PLA2R1: variants seen among roughly 807,000 people sequenced by gnomAD.
PLA2R1 encodes the protein secretory phospholipase A2 receptor.
PLA2R1 carries 158 observed loss-of-function variants against 195.9 expected under a neutral mutation model. The observed-to-expected ratio is 0.81, with a 90% CI of 0.71 to 0.92. The LOEUF (loss-of-function observed/expected upper bound fraction) is 0.92. Among genes scored for constraint, PLA2R1 ranks in the 40% least tolerant of loss-of-function variants. PLA2R1 has a pLI of 0.00. For synonymous variants in PLA2R1, 586 were observed against 598.2 expected, an observed-to-expected ratio of 0.98 and a Z score of 0.30; for missense variants, 1,626 against 1,764.6, an observed-to-expected ratio of 0.92 and a Z score of 1.41.
rs1489949863 is a variant in PLA2R1 at position 160,016,701 on chromosome 2, C to T, written c.1464G>A (p.Trp488Ter). 2.5e-6 allele frequency: 4 copies of T among 1,571,138 alleles called. No individual in the cohort carries two copies. Among genetic ancestry groups the T allele is most frequent in the Admixed American group, 1.7e-5 (1 of 59,938 alleles). The part of the protein sequence containing the change: ...CVSAEQSEGH[W>*]KVKNCEERLF... ...GTCTTTCTTCACAATTTTTGACTTT[C>T]CAGTGTCCCTCCTACGGAGAAAAAT... The change falls in exon 9 of 30, where the codon TGG becomes TGA. Residue 488 changes from tryptophan (W) to a stop codon, truncating the protein, a stop_gained. Transcript: ENST00000283243. LOFTEE classifies it high-confidence loss of function.
intron 26 of PLA2R1, 150 bp downstream of exon 26, chr2:159,947,269 C>A: frequency 1.5e-6 from 1 of 666,126 alleles, no homozygotes; most frequent in Non-Finnish European, 2.4e-6. Context: ...TCCAAACAAG[C>A]AATTTCAATA....
rs544655623 is a variant in PLA2R1, at chr2:159,966,885, C to T, written c.2904+654G>A. 9.2e-5 allele frequency among the ~76,000 whole-genome samples: 14 copies of T among 152,138 alleles called. No individual in the cohort carries two copies. In the South Asian group the frequency reaches 2.9e-3, roughly 32 times the overall value. ...ATATGAAGAGTGGAGGGAGACTAGG[C>T]CTTAATTGAAGGCAGCATCAGAAAT... On this transcript the variant is annotated intron_variant, in intron 20 of 29. Transcript: ENST00000283243.
chr2:159,943,592 GT>G (rs1276571983), intron 28 of PLA2R1, among the ~76,000 whole-genome samples: 2 of 152,118 alleles, frequency 1.3e-5, no homozygotes, highest in Non-Finnish European at 2.9e-5. Flanking sequence ...TGTAGCCTCA[GT>G]TTGCACAGGC....
Position 159,941,924 on chromosome 2 carries a change from G to C in PLA2R1, c.4246C>G (p.Leu1416Val), listed in dbSNP as rs780282214. The C allele has an allele frequency of 6.2e-7, 1 of 1,613,916 alleles. No individual in the cohort carries two copies. The change falls in exon 30 of 30, where the codon CTT (leucine) becomes GTT (valine). Residue 1416 changes from leucine to valine, a missense_variant. Transcript: ENST00000283243. ...TTATGCTTGTATATGCAGAAGGAAAGTGTGCAAATGGCCACAATGACTATC... is the reference window on the plus strand; with the variant it reads ...TTATGCTTGTATATGCAGAAGGAAACTGTGCAAATGGCCACAATGACTATC... ...TLIVIVAICTLSFCIYKHNGG... is the reference protein window; with the variant it reads ...TLIVIVAICTVSFCIYKHNGG...
chr2:159,972,106 T>A (rs533473317), intron 17 of PLA2R1, among the ~76,000 whole-genome samples: 1 of 152,216 alleles, frequency 6.6e-6, no homozygotes, highest in East Asian at 1.9e-4. Flanking sequence ...ACTGCCCCAA[T>A]TAAGGACCTC....
At position 159,983,529 on chromosome 2, in the gene PLA2R1, A is replaced by G. The variant is rs112656423; in HGVS notation, c.2183+399T>C. On this transcript the variant is annotated intron_variant, in intron 13 of 29. Transcript: ENST00000283243. ...AAAATAATTAGCGGTGGAGCTGGTC[A>G]GAGCCGCTCTGGTGAGGCGTGGAAG... Among the ~76,000 whole-genome samples the G allele has an allele frequency of 3.8e-3, 569 of 151,536 alleles. 1 individual carries two copies. The highest frequency in any genetic ancestry group is 0.013 in the African/African-American group (537 of 41,326).
chr2:159,925,399 TG>T, the PLA2R1 span, among the ~76,000 whole-genome samples: 1 of 152,180 alleles, frequency 6.6e-6, no homozygotes, highest in African/African-American at 2.4e-5. Flanking sequence ...AAATACATTT[TG>T]GGCTCTTATG....
intron 19 of PLA2R1, among the ~76,000 whole-genome samples, chr2:159,968,079 A>G (rs1688903127): frequency 6.6e-6 from 1 of 152,160 alleles, no homozygotes. Context: ...CTACTTTATA[A>G]TTCTTTAGAA....
intron 8 of PLA2R1, among the ~76,000 whole-genome samples, chr2:160,019,237 C>G (rs932092329): frequency 1.3e-5 from 2 of 152,204 alleles, no homozygotes; most frequent in African/African-American, 4.8e-5. Flanking sequence ...GTTACACATA[C>G]TGTTTAAATC....
intron 4 of PLA2R1, among the ~76,000 whole-genome samples, chr2:160,031,332 A>G (rs1471414016): frequency 1.3e-5 from 2 of 152,230 alleles, no homozygotes; most frequent in African/African-American, 4.8e-5. Context: ...ATATATTACC[A>G]CTAACTTATA....
intron 20 of PLA2R1, among the ~76,000 whole-genome samples, chr2:159,966,572 T>G (rs879541020): frequency 2.0e-5 from 3 of 152,136 alleles, no homozygotes; most frequent in Non-Finnish European, 4.4e-5. Context: ...AATTTAAAAG[T>G]CAGTGCCAAA....
intron 1 of PLA2R1, among the ~76,000 whole-genome samples, chr2:160,061,410 G>A (rs1302538583): frequency 1.3e-5 from 2 of 152,182 alleles, no homozygotes; most frequent in Non-Finnish European, 2.9e-5. Flanking sequence ...TCCACTGAGA[G>A]AGACTAAGGC....
chr2:159,963,298 C>T (rs141740803), intron 20 of PLA2R1, among the ~76,000 whole-genome samples: 1 of 152,248 alleles, frequency 6.6e-6, no homozygotes, highest in East Asian at 1.9e-4. Context: ...TAGACAAACA[C>T]ACAGGGGCAA....
At chr2:160,016,308 G>A (rs1382564023) in intron 9 of PLA2R1, among the ~76,000 whole-genome samples, 8 of 151,250 alleles carry the variant, frequency 5.3e-5, no homozygotes, top group African/African-American at 1.9e-4. Flanking sequence ...GAAAGACTAG[G>A]AAAACCAAGT....
chr2:160,055,362 T>C (rs556182802), intron 1 of PLA2R1, among the ~76,000 whole-genome samples: 180 of 152,340 alleles, frequency 1.2e-3, no homozygotes, highest in Non-Finnish European at 2.0e-3. Context: ...ATCACGCTTT[T>C]ACTGAAATTC....
intron 11 of PLA2R1, among the ~76,000 whole-genome samples, chr2:159,995,525 A>AT (rs1176257281): frequency 6.6e-6 from 1 of 151,916 alleles, no homozygotes; most frequent in Non-Finnish European, 1.5e-5. Flanking sequence ...CTAAACTTTT[A>AT]TTTTTTTGCA....
chr2:159,983,204 A>G (rs1029658276), intron 13 of PLA2R1, among the ~76,000 whole-genome samples: 1 of 152,212 alleles, frequency 6.6e-6, no homozygotes, highest in Admixed American at 6.5e-5. Flanking sequence ...CTGCAATGGA[A>G]TGGGCTTTCT....
At chr2:160,041,347 T>C (rs1694507601) in intron 3 of PLA2R1, among the ~76,000 whole-genome samples, 1 of 152,032 alleles carries the variant, frequency 6.6e-6, no homozygotes, top group Non-Finnish European at 1.5e-5. Context: ...TAATACTTGG[T>C]AACAATTGGA....
In PLA2R1 at chr2:159,935,400, T is replaced by C. The variant is rs1018026934; in HGVS notation, c.*6378A>G. 3.3e-5 allele frequency: 5 copies of C among 152,246 alleles called. No homozygotes were observed. Among genetic ancestry groups the C allele is most frequent in the African/African-American group, 1.2e-4 (5 of 41,470 alleles). The allele number at this position is 152,246 out of a possible 1,614,324, so 9.4% of individuals were successfully genotyped here. A position where few individuals can be genotyped will look rare whatever the true frequency, so the allele number is the denominator to read the frequency against. ...TTTTGTTTCTCCCATTTCTTCTACATTTATCAATTGGAATTTACTGGGGAG... is the reference window on the plus strand; with the variant it reads ...TTTTGTTTCTCCCATTTCTTCTACACTTATCAATTGGAATTTACTGGGGAG... On this transcript the variant is annotated 3_prime_UTR_variant, in exon 30 of 30. Transcript: ENST00000283243.
Sources: allele counts gnomAD v4.1 joint callset (sites outside exome capture counted in the v4.1 genomes callset), GRCh38; gene constraint gnomAD v4.1.1; transcripts MANE v1.5; gene names NCBI Gene and HGNC (gene_info 2026-07-23, HGNC 2026-07-21).